The following EGF variants were observed in gnomAD, a reference collection of about 807,000 sequenced individuals.
The protein encoded by EGF is pro-epidermal growth factor.
A neutral mutation model predicts 143.8 loss-of-function variants in EGF; 95 were observed. The ratio of observed to expected loss-of-function variants is 0.66; its 90% confidence interval spans 0.56 to 0.78. The LOEUF is 0.78. Among genes scored for constraint, EGF ranks in the 30% least tolerant of loss-of-function variants. The pLI is 0.00. For missense variants in EGF, 1,320 were observed against 1,470.9 expected, an observed-to-expected ratio of 0.90 and a Z score of 1.68; for synonymous variants, 510 against 510.5, an observed-to-expected ratio of 1.00 and a Z score of 0.01.
intron 16 of EGF, among the ~76,000 whole-genome samples, chr4:109,986,434 A>G (rs1281003001): frequency 6.6e-6 from 1 of 152,200 alleles, no homozygotes; most frequent in African/African-American, 2.4e-5. Flanking sequence ...ACAGGAGATA[A>G]CCAAGCAAGC....
chr4:109,965,880 T>C (rs945812735), intron 10 of EGF, among the ~76,000 whole-genome samples: 1 of 152,090 alleles, frequency 6.6e-6, no homozygotes, highest in Non-Finnish European at 1.5e-5. Context: ...CATAACCTTT[T>C]CTATTTCATT....
intron 7 of EGF, among the ~76,000 whole-genome samples, chr4:109,961,347 G>C (rs752551101): frequency 7.4e-4 from 112 of 152,160 alleles, no homozygotes; most frequent in Non-Finnish European, 2.6e-4. Context: ...GTGAGACCCT[G>C]TCTCAAAAAG....
chr4:109,942,551 A>T (rs1158619829), intron 2 of EGF, among the ~76,000 whole-genome samples: 1 of 152,186 alleles, frequency 6.6e-6, no homozygotes, highest in Non-Finnish European at 1.5e-5. Flanking sequence ...GAAAATCTTT[A>T]ACAGTACAAA....
rs11568885 is a variant in EGF, at chr4:109,941,082, C to T, written c.264C>T (p.Ile88=). The change falls in exon 2 of 24, where the codon ATC becomes ATT. Residue 88 remains isoleucine, a synonymous_variant. Transcript: ENST00000265171. ...IMDFHYNEKR[I]YWVDLERQLL... is the part of the protein sequence containing the mutation. ...ATTTTCATTATAATGAGAAAAGAATCTATTGGGTGGATTTAGAAAGACAAC... is the reference window on the plus strand; with the variant it reads ...ATTTTCATTATAATGAGAAAAGAATTTATTGGGTGGATTTAGAAAGACAAC... 7,474 of 1,613,888 alleles carry T rather than the reference C, an allele frequency of 4.6e-3. 256 individuals are homozygous for T. In the African/African-American group the frequency reaches 0.079, roughly 17 times the overall value.
intron 18 of EGF, among the ~76,000 whole-genome samples, chr4:109,991,747 G>A (rs573903420): frequency 6.6e-6 from 1 of 152,192 alleles, no homozygotes; most frequent in East Asian, 1.9e-4. Context: ...GAATCTTTAG[G>A]ATCTGAACTT....
chr4:109,971,809 A>T (rs1485193208), intron 11 of EGF, among the ~76,000 whole-genome samples: 1 of 152,222 alleles, frequency 6.6e-6, no homozygotes, highest in East Asian at 1.9e-4. Context: ...ACTCTTAGCC[A>T]ATCAAAAGGG....
intron 1 of EGF, among the ~76,000 whole-genome samples, chr4:109,914,666 C>T (rs910106590): frequency 1.3e-5 from 2 of 152,172 alleles, no homozygotes; most frequent in South Asian, 4.1e-4. Context: ...AGTGTGTACT[C>T]AGCAAATTCT....
intron 5 of EGF, chr4:109,959,063 A>T (rs915677777): frequency 1.9e-6 from 1 of 516,334 alleles, no homozygotes; most frequent in South Asian, 2.1e-5. Flanking sequence ...AGTATTCGCA[A>T]CCTAAGAAAT....
At chr4:109,948,430 C>G (rs1358270322) in intron 5 of EGF, among the ~76,000 whole-genome samples, 1 of 152,098 alleles carries the variant, frequency 6.6e-6, no homozygotes, top group Non-Finnish European at 1.5e-5. Flanking sequence ...ACTGTTCCAC[C>G]TAGGGAGATG....
rs1217001056 is a variant in EGF at position 109,988,681 on chromosome 4, C to T, written c.2706C>T (p.Gly902=). Residue 902 remains glycine, a synonymous_variant, in exon 18 of 24, where the codon GGC becomes GGT. Coordinates refer to ENST00000265171, the MANE Select transcript of EGF (RefSeq NM_001963.6). ...GTTATGTCTGCCGGTGCTCAGAAGGCTACCAAGGAGATGGGATTCACTGTC... is the reference window on the plus strand; with the variant it reads ...GTTATGTCTGCCGGTGCTCAGAAGGTTACCAAGGAGATGGGATTCACTGTC... ...EGGYVCRCSE[G]YQGDGIHCLD... The T allele has an allele frequency of 6.2e-7, 1 of 1,613,902 alleles. No homozygotes were observed. The highest frequency in any genetic ancestry group is 8.5e-7 in the Non-Finnish European group (1 of 1,179,920).
At chr4:109,999,965 A>C in intron 21 of EGF, 119 bp downstream of exon 21, 1 of 1,473,788 alleles carries the variant, frequency 6.8e-7, no homozygotes, top group Non-Finnish European at 9.4e-7. Flanking sequence ...TTAAAACGTG[A>C]AATAGGCTGG....
chr4:109,928,558 G>C (rs773541359), intron 1 of EGF, among the ~76,000 whole-genome samples: 3 of 152,082 alleles, frequency 2.0e-5, no homozygotes, highest in Non-Finnish European at 2.9e-5. Context: ...CTCCTGGGTC[G>C]GGGGAAAGGC....
At chr4:109,972,876 A>G (rs991424416) in intron 11 of EGF, among the ~76,000 whole-genome samples, 1 of 152,196 alleles carries the variant, frequency 6.6e-6, no homozygotes, top group African/African-American at 2.4e-5. Flanking sequence ...CCACCAGAGA[A>G]GGTCTCCTTA....
intron 18 of EGF, among the ~76,000 whole-genome samples, chr4:109,990,028 G>A (rs1396569519): frequency 6.6e-6 from 1 of 152,130 alleles, no homozygotes. Flanking sequence ...ATTATTAAGA[G>A]TAGTTGAGTT....
Position 109,980,111 on chromosome 4 carries a change from G to T in EGF, c.2193G>T (p.Leu731=). 3.1e-6 allele frequency: 5 copies of T among 1,611,992 alleles called. No individual in the cohort carries two copies. The highest frequency in any genetic ancestry group is 4.2e-6 in the Non-Finnish European group (5 of 1,178,978). The change falls in exon 14 of 24, where the codon CTG becomes CTT. Residue 731 remains leucine, a synonymous_variant. Transcript: ENST00000265171. ...LQGSMLKPSS[L]VVVHPLAKPG... The stretch of plus-strand genomic sequence containing the variant: ...GCAGCATGCTGAAGCCCTCATCACT[G>T]GTTGTGGTTCATCCATTGGCAAAAC...
At chr4:109,987,679 A>T in intron 16 of EGF, 65 bp from the exon 17 acceptor site, 1 of 1,329,766 alleles carries the variant, frequency 7.5e-7, no homozygotes, top group East Asian at 2.3e-5. Context: ...TAGAACCAGA[A>T]GATTAAAGTC....
chr4:109,981,408 A>T (rs1417386859), intron 15 of EGF, among the ~76,000 whole-genome samples: 1 of 152,240 alleles, frequency 6.6e-6, no homozygotes, highest in East Asian at 1.9e-4. Context: ...ACTTCAGGAT[A>T]TCAGACAAAT....
chr4:109,941,291 A>T, intron 2 of EGF, 146 bp downstream of exon 2: 1 of 731,896 alleles, frequency 1.4e-6, no homozygotes, highest in East Asian at 2.7e-5. Context: ...TTTAATCTAC[A>T]TCTGTGGTGT....
At chr4:109,989,972 C>A (rs1241805489) in intron 18 of EGF, among the ~76,000 whole-genome samples, 5 of 152,042 alleles carry the variant, frequency 3.3e-5, no homozygotes, top group Admixed American at 6.6e-5. Context: ...ATACTTCGAA[C>A]CTTGTCTGGC....
Sources: gnomAD v4.1 joint callset for allele counts (sites outside exome capture counted in the v4.1 genomes callset) on GRCh38, gnomAD v4.1.1 for gene constraint, MANE v1.5 for transcripts, NCBI Gene and HGNC (gene_info 2026-07-23, HGNC 2026-07-21) for gene names.